The following SGCZ variants were observed in gnomAD, a reference collection of about 807,000 sequenced individuals.
SGCZ encodes the protein sarcoglycan zeta.
A neutral mutation model predicts 41.3 loss-of-function variants in SGCZ; 40 were observed. That is an observed-to-expected ratio of 0.97 (90% confidence interval 0.75 to 1.26). The LOEUF is 1.26. Ranked by LOEUF, SGCZ falls within the 50% of genes most tolerant of loss-of-function variation. SGCZ has a pLI of 0.00. For missense variants in SGCZ, 552 were observed against 369.8 expected, an observed-to-expected ratio of 1.49 and a Z score of -4.04; for synonymous variants, 206 against 137.5, an observed-to-expected ratio of 1.50 and a Z score of -3.49.
rs866615395 is a variant in SGCZ at position 14,566,135 on chromosome 8, A to G, written c.40-11209T>C. On this transcript the variant is annotated intron_variant, in intron 1 of 7. Transcript: ENST00000382080. Reference sequence around the variant, plus strand: ...AACAGAAGATCTTGCAGAGACCAACAAAGTCTAACTAAAATAAGTGTTTAA... The same window carrying G: ...AACAGAAGATCTTGCAGAGACCAACGAAGTCTAACTAAAATAAGTGTTTAA... Among the ~76,000 whole-genome samples, 6 of 152,370 alleles carry G rather than the reference A, an allele frequency of 3.9e-5. No individual in the cohort carries two copies. The Middle Eastern group carries it at 0.017, about 432-fold the overall frequency.
intron 1 of SGCZ, among the ~76,000 whole-genome samples, chr8:15,188,984 A>T (rs1323018020): frequency 6.6e-6 from 1 of 151,366 alleles, no homozygotes; most frequent in African/African-American, 2.4e-5. Flanking sequence ...CTCATTCATT[A>T]AATATCAAAA....
chr8:14,218,615 T>G (rs545363015), intron 4 of SGCZ, among the ~76,000 whole-genome samples: 1 of 152,384 alleles, frequency 6.6e-6, no homozygotes, highest in South Asian at 2.1e-4. Flanking sequence ...CATTTTAATG[T>G]GCATTTCTCA....
At chr8:14,107,632 TG>T (rs1802247038) in intron 6 of SGCZ, among the ~76,000 whole-genome samples, 3 of 152,080 alleles carry the variant, frequency 2.0e-5, no homozygotes. Context: ...TTTTTGTTTT[TG>T]TATTGTGTTT....
intron 5 of SGCZ, among the ~76,000 whole-genome samples, chr8:14,160,245 G>A: frequency 6.6e-6 from 1 of 152,168 alleles, no homozygotes. Flanking sequence ...CGGGGCTGAT[G>A]TCTTTCACTT....
intron 4 of SGCZ, among the ~76,000 whole-genome samples, chr8:14,232,457 C>T (rs1289200129): frequency 6.6e-6 from 1 of 152,152 alleles, no homozygotes; most frequent in African/African-American, 2.4e-5. Context: ...TTGCAAATGA[C>T]ATTCTTCCTT....
chr8:15,004,744 G>A (rs1432612462), intron 1 of SGCZ, among the ~76,000 whole-genome samples: 1 of 152,106 alleles, frequency 6.6e-6, no homozygotes, highest in East Asian at 1.9e-4. Flanking sequence ...GATAACAAAA[G>A]TATGTATTAT....
At chr8:14,945,208 A>C (rs1413862196) in intron 1 of SGCZ, among the ~76,000 whole-genome samples, 1 of 152,082 alleles carries the variant, frequency 6.6e-6, no homozygotes, top group Non-Finnish European at 1.5e-5. Flanking sequence ...TGATACATTT[A>C]CAAGCTGAAT....
chr8:14,124,600 T>A (rs1563140473), intron 5 of SGCZ, among the ~76,000 whole-genome samples: 1 of 152,226 alleles, frequency 6.6e-6, no homozygotes, highest in Non-Finnish European at 1.5e-5. Flanking sequence ...ATCATTCATC[T>A]TAATCTCTTG....
chr8:14,540,046 G>C (rs1420121054), intron 2 of SGCZ, among the ~76,000 whole-genome samples: 1 of 151,748 alleles, frequency 6.6e-6, no homozygotes, highest in Admixed American at 6.6e-5. Context: ...AAACTATGAA[G>C]AATTTAAAAT....
chr8:14,380,887 T>G (rs930031765), intron 2 of SGCZ, among the ~76,000 whole-genome samples: 1 of 152,076 alleles, frequency 6.6e-6, no homozygotes, highest in Admixed American at 6.6e-5. Flanking sequence ...AAAAATTGTG[T>G]AATTGTGTAA....
chr8:14,580,474 T>C lies in SGCZ; in HGVS notation c.40-25548A>G, dbSNP rs146068210. ...TATATTAAAATTATTCTTATCATAA[T>C]TATCTGAAGAAAAATTCTAAGGGAA... On this transcript the variant is annotated intron_variant, in intron 1 of 7. Coordinates refer to ENST00000382080, the MANE Select transcript of SGCZ (RefSeq NM_139167.4). Among the ~76,000 whole-genome samples, 1,242 of 152,250 alleles carry C rather than the reference T, an allele frequency of 8.2e-3. 17 individuals are homozygous for C. The highest frequency in any genetic ancestry group is 0.029 in the African/African-American group (1,186 of 41,570).
intron 1 of SGCZ, among the ~76,000 whole-genome samples, chr8:15,066,329 A>G (rs1188877435): frequency 5.3e-5 from 8 of 151,720 alleles, no homozygotes; most frequent in Admixed American, 5.2e-4. Flanking sequence ...AAAAAAAAAA[A>G]AAAAAGAAGT....
chr8:15,055,399 T>A (rs889575445), intron 1 of SGCZ, among the ~76,000 whole-genome samples: 2 of 152,182 alleles, frequency 1.3e-5, no homozygotes, highest in Non-Finnish European at 2.9e-5. Context: ...TGTCCAAACA[T>A]GACTGTGGAC....
intron 3 of SGCZ, among the ~76,000 whole-genome samples, chr8:14,245,888 C>T (rs1799068901): frequency 6.6e-6 from 1 of 152,140 alleles, no homozygotes; most frequent in African/African-American, 2.4e-5. Context: ...AAATCAAAAC[C>T]ACCATGAGAT....
At chr8:14,995,404 G>A (rs74706475) in intron 1 of SGCZ, among the ~76,000 whole-genome samples, 3,388 of 152,306 alleles carry the variant, frequency 0.022, 146 homozygotes, top group African/African-American at 0.077. Context: ...ACGATTAATA[G>A]GGATGGGTTC....
intron 1 of SGCZ, among the ~76,000 whole-genome samples, chr8:14,763,554 T>C (rs1401178000): frequency 6.6e-6 from 1 of 152,128 alleles, no homozygotes; most frequent in African/African-American, 2.4e-5. Context: ...AAAGTGTCTT[T>C]ATTATTCAAA....
intron 4 of SGCZ, among the ~76,000 whole-genome samples, chr8:14,193,493 CA>C (rs1805170684): frequency 6.6e-6 from 1 of 151,984 alleles, no homozygotes; most frequent in Non-Finnish European, 1.5e-5. Context: ...CCATCATAAA[CA>C]TATAATATGT....
At chr8:15,237,410 C>T (rs1262134445) in intron 1 of SGCZ, among the ~76,000 whole-genome samples, 175 bp downstream of exon 1, 2 of 152,206 alleles carry the variant, frequency 1.3e-5, no homozygotes, top group Non-Finnish European at 2.9e-5. Flanking sequence ...AACCACCCTC[C>T]GTGTCCTCGG....
chr8:14,838,723 C>G (rs958404298), intron 1 of SGCZ, among the ~76,000 whole-genome samples: 8 of 152,194 alleles, frequency 5.3e-5, no homozygotes, highest in Non-Finnish European at 8.8e-5. Flanking sequence ...GCCATGACTC[C>G]TCTCTAAGAC....
Sources: gnomAD v4.1 joint callset for allele counts (sites outside exome capture counted in the v4.1 genomes callset) on GRCh38, gnomAD v4.1.1 for gene constraint, MANE v1.5 for transcripts, NCBI Gene and HGNC (gene_info 2026-07-23, HGNC 2026-07-21) for gene names.